BORCS5: variants seen among roughly 807,000 people sequenced by gnomAD.
BORCS5 encodes the protein BLOC-1-related complex subunit 5.
In BORCS5, 17 loss-of-function variants were observed where a neutral mutation model predicts 22.1. That is an observed-to-expected ratio of 0.77 (90% CI 0.53 to 1.15). The LOEUF (loss-of-function observed/expected upper bound fraction) is 1.15. BORCS5 is among the 50% of genes most tolerant of loss of function. The pLI, the probability that BORCS5 is intolerant of heterozygous loss-of-function variation, is 0.00. For missense variants in BORCS5, 247 were observed against 253.2 expected (o/e 0.98, Z 0.17); for synonymous variants, 117 against 99.8 (o/e 1.17, Z -1.03).
intron 2 of BORCS5, among the ~76,000 whole-genome samples, chr12:12,388,098 A>T (rs1863922141): frequency 6.6e-6 from 1 of 151,252 alleles, no homozygotes; most frequent in African/African-American, 2.4e-5. Flanking sequence ...ATTTGTGATT[A>T]TTATATTAAT....
At chr12:12,363,972 G>C (rs935353620) in intron 2 of BORCS5, among the ~76,000 whole-genome samples, 1 of 151,974 alleles carries the variant, frequency 6.6e-6, no homozygotes, top group Admixed American at 6.6e-5. Flanking sequence ...GTTTACTAGA[G>C]GCCTTACTGA....
intron 2 of BORCS5, among the ~76,000 whole-genome samples, chr12:12,390,146 C>T (rs1415659524): frequency 6.6e-6 from 1 of 152,062 alleles, no homozygotes; most frequent in Non-Finnish European, 1.5e-5. Context: ...ATCTATCATT[C>T]CTTCAAGATT....
chr12:12,375,093 C>T (rs997141487), intron 2 of BORCS5, among the ~76,000 whole-genome samples: 8 of 152,100 alleles, frequency 5.3e-5, no homozygotes, highest in African/African-American at 1.9e-4. Context: ...CTCACTGCAA[C>T]CTCTGCCTCC....
At position 12,421,511 on chromosome 12, in the gene BORCS5, C is replaced by T. The variant is rs565376649; in HGVS notation, c.203-14117C>T. Among the ~76,000 whole-genome samples, 4 of 152,232 alleles carry T rather than the reference C, an allele frequency of 2.6e-5. No individual in the cohort carries two copies. In the South Asian group the frequency reaches 8.3e-4, roughly 32 times the overall value. The stretch of plus-strand genomic sequence containing the variant: ...ATCAGGGATATTGGTCTAAAATTCT[C>T]TTCTTTTTGTTATGTCTCTGCCAGG... On this transcript the variant is annotated intron_variant, in intron 2 of 3. Transcript: ENST00000314565.
chr12:12,452,550 C>A (rs752572619), intron 3 of BORCS5: 7 of 356,008 alleles, frequency 2.0e-5, no homozygotes, highest in Admixed American at 1.5e-4. Flanking sequence ...AGCCTCGCCT[C>A]GTGATCTTGC....
chr12:12,415,110 G>C (rs1174797609), intron 2 of BORCS5, among the ~76,000 whole-genome samples: 26 of 150,890 alleles, frequency 1.7e-4, no homozygotes, highest in African/African-American at 6.3e-4. Context: ...GACGATGGGG[G>C]GCCAGGCAGA....
intron 3 of BORCS5, among the ~76,000 whole-genome samples, chr12:12,443,629 T>G (rs1296627486): frequency 2.6e-5 from 4 of 152,256 alleles, no homozygotes; most frequent in East Asian, 1.9e-4. Flanking sequence ...TCTAGTTTAT[T>G]ACTTGCCTGT....
At position 12,414,698 on chromosome 12, in the gene BORCS5, C is replaced by CCA. The variant is rs1259203463; in HGVS notation, c.203-20930_203-20929insCA. 4.6e-4 allele frequency among the ~76,000 whole-genome samples: 59 copies of CCA among 127,732 alleles called. 4 individuals are homozygous for CCA. Among genetic ancestry groups the CCA allele is most frequent in the African/African-American group, 1.5e-3 (48 of 31,262 alleles). The allele number at this position is 127,732 out of a possible 152,430, so 83.8% of individuals were successfully genotyped here. A position where few individuals can be genotyped will look rare whatever the true frequency, so the allele number is the denominator to read the frequency against. ...GGCCGGGCGGGGGGCTGACCCCCCCCACCTCCCTCCCGGATGGGGTGGCTG... is the reference window on the plus strand; with the variant it reads ...GGCCGGGCGGGGGGCTGACCCCCCCCCAACCTCCCTCCCGGATGGGGTGGCTG... On this transcript the variant is annotated intron_variant, in intron 2 of 3. Coordinates refer to ENST00000314565, the MANE Select transcript of BORCS5 (RefSeq NM_058169.6).
chr12:12,460,418 G>C (rs957097847), intron 3 of BORCS5, among the ~76,000 whole-genome samples: 2 of 152,154 alleles, frequency 1.3e-5, no homozygotes, highest in African/African-American at 4.8e-5. Context: ...TTTTCTAAGT[G>C]TATTATCATG....
In BORCS5 at chr12:12,470,675, G is replaced by GTT. The variant is rs1295261972; in HGVS notation, c.*4899_*4900insTT. On this transcript the variant is annotated 3_prime_UTR_variant, in exon 4 of 4. Coordinates refer to ENST00000314565, the MANE Select transcript of BORCS5 (RefSeq NM_058169.6). ...CATAAATAACATTGAATTTCATGTG[G>GTT]GTTTTTTTTTTTTGACACACCAGGC... Among the ~76,000 whole-genome samples, 5 of 22,914 alleles carry GTT rather than the reference G, an allele frequency of 2.2e-4. No individual in the cohort carries two copies. Among genetic ancestry groups the GTT allele is most frequent in the East Asian group, 9.6e-4 (3 of 3,110 alleles). The allele number at this position is 22,914 out of a possible 152,430, so 15.0% of individuals were successfully genotyped here.
At chr12:12,363,891 A>G (rs1221134846) in intron 2 of BORCS5, among the ~76,000 whole-genome samples, 1 of 149,944 alleles carries the variant, frequency 6.7e-6, no homozygotes, top group East Asian at 2.0e-4. Context: ...GTGAAACTCC[A>G]TCTCAGAAAA....
chr12:12,412,471 C>T (rs1342466210), intron 2 of BORCS5, among the ~76,000 whole-genome samples: 5 of 152,068 alleles, frequency 3.3e-5, no homozygotes, highest in African/African-American at 4.8e-5. Context: ...GACTTTGTAT[C>T]CTGCCACTTT....
At chr12:12,461,249 G>A (rs1943099079) in intron 3 of BORCS5, among the ~76,000 whole-genome samples, 1 of 150,350 alleles carries the variant, frequency 6.7e-6, no homozygotes. Context: ...GCTCACTGCA[G>A]CCTGGACCTC....
At chr12:12,429,542 A>T (rs1405806510) in intron 2 of BORCS5, among the ~76,000 whole-genome samples, 1 of 152,194 alleles carries the variant, frequency 6.6e-6, no homozygotes, top group Non-Finnish European at 1.5e-5. Context: ...TTAGATGGTT[A>T]GAGGGAGGCT....
In BORCS5 at chr12:12,438,385, A is replaced by AAAAAAAAAAAAAACAC. The variant is rs1555156048; in HGVS notation, c.360+2602_360+2603insAAAAAAAAAAACACAA. Among the ~76,000 whole-genome samples the AAAAAAAAAAAAAACAC allele has an allele frequency of 5.4e-4, 68 of 126,128 alleles. 2 individuals carry two copies. Among genetic ancestry groups the AAAAAAAAAAAAAACAC allele is most frequent in the African/African-American group, 2.1e-3 (65 of 30,552 alleles). 82.7% of individuals were successfully genotyped at this position (126,128 alleles called of 152,430 possible). ...CAAAAAAAAAAAAAAAAAAAACGAA[A>AAAAAAAAAAAAAACAC]AACAACAACAAAAACCTCTAATCCA... On this transcript the variant is annotated intron_variant, in intron 3 of 3. Transcript: ENST00000314565.
At position 12,435,690 on chromosome 12, in the gene BORCS5, G is replaced by A; in HGVS notation, c.265G>A (p.Val89Met). ...AKLEKLDSQQVLQLCLRYQDH... is the reference protein window; with the variant it reads ...AKLEKLDSQQMLQLCLRYQDH... ...ATTGGAGAAACTGGACTCTCAGCAG[G>A]TGTTGCAGCTCTGCCTCCGATATCA... Residue 89 changes from valine to methionine, a missense_variant, in exon 3 of 4, where the codon GTG (valine) becomes ATG (methionine). Transcript: ENST00000314565. 6.2e-7 allele frequency: 1 copy of A among 1,614,092 alleles called. No homozygotes were observed. The highest frequency in any genetic ancestry group is 8.5e-7 in the Non-Finnish European group (1 of 1,179,992).
At chr12:12,429,030 A>AT (rs1232382550) in intron 2 of BORCS5, among the ~76,000 whole-genome samples, 1 of 152,206 alleles carries the variant, frequency 6.6e-6, no homozygotes, top group East Asian at 1.9e-4. Context: ...CAGGCAGGTA[A>AT]TGTGGGTGAG....
At chr12:12,431,212 C>T (rs1301853861) in intron 2 of BORCS5, among the ~76,000 whole-genome samples, 1 of 152,162 alleles carries the variant, frequency 6.6e-6, no homozygotes, top group Non-Finnish European at 1.5e-5. Flanking sequence ...CACAGCTCCA[C>T]CTACAAAGTA....
intron 2 of BORCS5, among the ~76,000 whole-genome samples, chr12:12,391,746 A>G (rs1941191105): frequency 6.6e-6 from 1 of 150,798 alleles, no homozygotes; most frequent in African/African-American, 2.4e-5. Flanking sequence ...TTTAAAAGCA[A>G]TACAGCTGGG....
Sources: gnomAD v4.1 joint callset for allele counts (sites outside exome capture counted in the v4.1 genomes callset) on GRCh38, gnomAD v4.1.1 for gene constraint, MANE v1.5 for transcripts, NCBI Gene and HGNC (gene_info 2026-07-23, HGNC 2026-07-21) for gene names.